ADAMTS6: variants seen among roughly 807,000 people sequenced by gnomAD.
ADAMTS6 encodes ADAM metallopeptidase with thrombospondin type 1 motif 6, also known as A disintegrin and metalloproteinase with thrombospondin motifs 6.
Under a neutral mutation model 144.3 loss-of-function variants are expected in ADAMTS6, and 23 were observed. That is an observed-to-expected ratio of 0.16 (90% CI 0.11 to 0.23). ADAMTS6 has a LOEUF of 0.23. Among genes scored for constraint, ADAMTS6 ranks in the 10% least tolerant of loss-of-function variants. ADAMTS6 has a pLI of 1.00. For synonymous variants in ADAMTS6, 444 were observed against 457.5 expected (o/e 0.97, Z 0.38); for missense variants, 999 against 1,379.6 (o/e 0.72, Z 4.37).
At chr5:65,179,838 T>C (rs184393809) in intron 22 of ADAMTS6, among the ~76,000 whole-genome samples, 1 of 152,314 alleles carries the variant, frequency 6.6e-6, no homozygotes. Context: ...CAGCCTGTTT[T>C]ATAATTATGT....
At chr5:65,254,826 G>T (rs958524411) in intron 14 of ADAMTS6, among the ~76,000 whole-genome samples, 1 of 152,160 alleles carries the variant, frequency 6.6e-6, no homozygotes, top group African/African-American at 2.4e-5. Context: ...TATGTTGAAA[G>T]AATGGAAATA....
intron 8 of ADAMTS6, among the ~76,000 whole-genome samples, chr5:65,333,662 T>C (rs1239876620): frequency 1.3e-5 from 2 of 151,800 alleles, no homozygotes; most frequent in African/African-American, 4.8e-5. Context: ...TTGACTGCTT[T>C]CATTTACTCT....
At chr5:65,172,265 T>C (rs1051933545) in intron 23 of ADAMTS6, among the ~76,000 whole-genome samples, 1 of 140,946 alleles carries the variant, frequency 7.1e-6, no homozygotes, top group African/African-American at 2.7e-5. Flanking sequence ...ATACAAAAAA[T>C]TAGCTGGGCG....
intron 6 of ADAMTS6, 62 bp from the exon 7 acceptor site, chr5:65,451,682 C>T: frequency 6.4e-7 from 1 of 1,571,154 alleles, no homozygotes; most frequent in Non-Finnish European, 8.7e-7. Context: ...GTTGTTAAAA[C>T]TTTTGAAGAC....
intron 18 of ADAMTS6, among the ~76,000 whole-genome samples, chr5:65,223,437 A>G (rs1757474200): frequency 6.6e-6 from 1 of 152,166 alleles, no homozygotes; most frequent in African/African-American, 2.4e-5. Flanking sequence ...TCCTCTTATA[A>G]CTGAAAGTTT....
intron 10 of ADAMTS6, among the ~76,000 whole-genome samples, chr5:65,293,540 T>C (rs1742531910): frequency 7.7e-6 from 1 of 129,768 alleles, no homozygotes; most frequent in East Asian, 2.3e-4. Flanking sequence ...CAAAGAAGAA[T>C]TTAAGAATAG....
chr5:65,277,881 T>C (rs1762678141), intron 11 of ADAMTS6, among the ~76,000 whole-genome samples: 1 of 152,178 alleles, frequency 6.6e-6, no homozygotes, highest in Non-Finnish European at 1.5e-5. Context: ...TGGTTTTTTG[T>C]TACATGGATG....
intron 7 of ADAMTS6, among the ~76,000 whole-genome samples, chr5:65,343,586 A>G (rs1163652905): frequency 1.3e-5 from 2 of 152,170 alleles, no homozygotes; most frequent in Non-Finnish European, 2.9e-5. Flanking sequence ...GAAACATTAA[A>G]ACTACTAGAA....
At chr5:65,294,126 G>A (rs1400962441) in intron 10 of ADAMTS6, among the ~76,000 whole-genome samples, 1 of 152,198 alleles carries the variant, frequency 6.6e-6, no homozygotes, top group African/African-American at 2.4e-5. Flanking sequence ...TTTACTACAT[G>A]TGTAGTACAT....
chr5:65,197,252 C>T (rs1755447730), intron 20 of ADAMTS6, 101 bp from the exon 21 acceptor site: 1 of 1,231,030 alleles, frequency 8.1e-7, no homozygotes, highest in African/African-American at 1.5e-5. Flanking sequence ...CACTGGATCG[C>T]TGCCGTCTTA....
chr5:65,169,587 G>A (rs1402166315), intron 24 of ADAMTS6, among the ~76,000 whole-genome samples: 9 of 146,138 alleles, frequency 6.2e-5, no homozygotes, highest in South Asian at 2.2e-4. Context: ...ACATGCACAC[G>A]TATGTTTATT....
At chr5:65,225,951 T>C (rs374048959) in intron 16 of ADAMTS6, 135 bp downstream of exon 16, 1 of 941,074 alleles carries the variant, frequency 1.1e-6, no homozygotes. Flanking sequence ...ATTTTATTAC[T>C]CTTAATGGAA....
chr5:65,445,678 A>T (rs1758226140), intron 7 of ADAMTS6, among the ~76,000 whole-genome samples: 1 of 152,142 alleles, frequency 6.6e-6, no homozygotes, highest in South Asian at 2.1e-4. Context: ...CAGTGTACAC[A>T]AGAAATTAGA....
At chr5:65,236,172 G>C (rs1758654409) in intron 15 of ADAMTS6, among the ~76,000 whole-genome samples, 1 of 152,142 alleles carries the variant, frequency 6.6e-6, no homozygotes, top group Non-Finnish European at 1.5e-5. Flanking sequence ...GAATATAAAA[G>C]ATTGAAAACA....
intron 4 of ADAMTS6, among the ~76,000 whole-genome samples, chr5:65,454,801 G>A (rs897198784): frequency 6.6e-6 from 1 of 152,128 alleles, no homozygotes; most frequent in African/African-American, 2.4e-5. Flanking sequence ...ACTGAATGCT[G>A]CCACAACTAT....
intron 4 of ADAMTS6, among the ~76,000 whole-genome samples, chr5:65,453,896 C>A (rs7725105): frequency 0.61 from 92,569 of 152,054 alleles, 30,008 homozygotes; most frequent in African/African-American, 0.84. Context: ...TTCTGTTTTA[C>A]AAATTGCATT....
chr5:65,433,054 A>C (rs532215180), intron 7 of ADAMTS6, among the ~76,000 whole-genome samples: 1 of 152,210 alleles, frequency 6.6e-6, no homozygotes, highest in South Asian at 2.1e-4. Context: ...CACCTTTTCC[A>C]TATCATTATA....
intron 4 of ADAMTS6, among the ~76,000 whole-genome samples, chr5:65,455,105 A>G (rs1406619189): frequency 6.6e-6 from 1 of 152,216 alleles, no homozygotes; most frequent in Non-Finnish European, 1.5e-5. Context: ...AACAGCTTAA[A>G]TGTCCAAATA....
chr5:65,447,380 C>T (rs1758351331), intron 7 of ADAMTS6, among the ~76,000 whole-genome samples: 1 of 152,058 alleles, frequency 6.6e-6, no homozygotes, highest in Admixed American at 6.6e-5. Flanking sequence ...TGGGAGGCAA[C>T]ACATATCAAG....
Sources: gnomAD v4.1 joint callset for allele counts (sites outside exome capture counted in the v4.1 genomes callset) on GRCh38, gnomAD v4.1.1 for gene constraint, MANE v1.5 for transcripts, NCBI Gene and HGNC (gene_info 2026-07-23, HGNC 2026-07-21) for gene names.